NUP153: variants seen among roughly 807,000 people sequenced by gnomAD.
The protein encoded by NUP153 is nuclear pore complex protein Nup153.
Under a neutral mutation model 134.6 loss-of-function variants are expected in NUP153, and 27 were observed. The observed-to-expected ratio is 0.20, with a 90% CI of 0.15 to 0.28. The LOEUF (loss-of-function observed/expected upper bound fraction) is 0.28, where lower values mean the gene tolerates loss of function less well. NUP153 is among the 10% of genes least tolerant of loss of function. The pLI, the probability that NUP153 is intolerant of heterozygous loss-of-function variation, is 1.00. For synonymous variants in NUP153, 640 were observed against 623.5 expected (o/e 1.03, Z -0.40); for missense variants, 1,821 against 1,731.3 (o/e 1.05, Z -0.92).
chr6:17,642,747 C>T (rs998370159), intron 14 of NUP153, among the ~76,000 whole-genome samples: 1 of 152,168 alleles, frequency 6.6e-6, no homozygotes, highest in Admixed American at 6.5e-5. Flanking sequence ...ATGTTCACAG[C>T]AGCACTATTC....
intron 1 of NUP153, among the ~76,000 whole-genome samples, chr6:17,703,824 A>G (rs1359565435): frequency 6.6e-6 from 1 of 152,202 alleles, no homozygotes; most frequent in Non-Finnish European, 1.5e-5. Flanking sequence ...TTAATTAAAT[A>G]GGACAAGAAG....
At chr6:17,690,860 C>T (rs989521852) in intron 1 of NUP153, among the ~76,000 whole-genome samples, 1 of 152,132 alleles carries the variant, frequency 6.6e-6, no homozygotes, top group Non-Finnish European at 1.5e-5. Flanking sequence ...GAAAAGGTAG[C>T]CGGGCGTGGT....
At chr6:17,698,347 C>T (rs1769801267) in intron 1 of NUP153, among the ~76,000 whole-genome samples, 1 of 152,172 alleles carries the variant, frequency 6.6e-6, no homozygotes, top group African/African-American at 2.4e-5. Flanking sequence ...AATCTCAGTG[C>T]TTTGGAGGCC....
chr6:17,618,968 T>C (rs1345790475), intron 20 of NUP153, among the ~76,000 whole-genome samples: 1 of 152,128 alleles, frequency 6.6e-6, no homozygotes, highest in Non-Finnish European at 1.5e-5. Context: ...GACAAAATCT[T>C]CAAATAAATA....
chr6:17,691,913 A>C (rs1453853296), intron 1 of NUP153, among the ~76,000 whole-genome samples: 4 of 152,182 alleles, frequency 2.6e-5, no homozygotes, highest in African/African-American at 9.7e-5. Context: ...CTGGGCTCTC[A>C]TCTCAGCCTT....
intron 2 of NUP153, among the ~76,000 whole-genome samples, chr6:17,681,262 G>A (rs149294986): frequency 1.9e-4 from 29 of 151,756 alleles, no homozygotes; most frequent in East Asian, 3.9e-4. Context: ...ATAGAATGAC[G>A]AATACCAGTG....
intron 11 of NUP153, among the ~76,000 whole-genome samples, chr6:17,652,955 C>T (rs747834772): frequency 3.9e-5 from 6 of 152,036 alleles, no homozygotes; most frequent in Non-Finnish European, 2.9e-5. Context: ...CTTGAACCCA[C>T]GAGGCGGAGG....
intron 1 of NUP153, among the ~76,000 whole-genome samples, chr6:17,698,470 G>A (rs961870876): frequency 5.5e-4 from 84 of 152,220 alleles, no homozygotes; most frequent in African/African-American, 1.9e-3. Context: ...CGGGCGTGGT[G>A]GCTCACGCCT....
chr6:17,638,316 T>C lies in NUP153; in HGVS notation c.1847-546A>G, dbSNP rs1328154315. 6.6e-6 allele frequency among the ~76,000 whole-genome samples: 1 copy of C among 152,248 alleles called. No individual in the cohort carries two copies. Among genetic ancestry groups the C allele is most frequent in the Non-Finnish European group, 1.5e-5 (1 of 68,054 alleles). On this transcript the variant is annotated intron_variant, in intron 15 of 21. Coordinates refer to ENST00000262077, the MANE Select transcript of NUP153 (RefSeq NM_005124.4). This position sits in a 1 kb window ranked among gnomAD's most constrained non-coding sequence, Gnocchi z 4.0. ...TTCATTCACTCAAGCTGTATTTTAC[T>C]CATGAGAATGACTTTTGTAATTGTT...
intron 11 of NUP153, among the ~76,000 whole-genome samples, chr6:17,656,148 T>C (rs1032261323): frequency 1.4e-5 from 2 of 143,820 alleles, no homozygotes; most frequent in Non-Finnish European, 3.2e-5. Context: ...GAGGTTGCAG[T>C]GAGCCAAGAT....
At chr6:17,662,241 TA>T (rs1157499650) in intron 9 of NUP153, 171 bp from the exon 10 acceptor site, 2 of 160,248 alleles carry the variant, frequency 1.2e-5, no homozygotes, top group African/African-American at 4.8e-5. Context: ...AACCAAGAGT[TA>T]CAGTGAGATT....
At chr6:17,685,476 G>T (rs1000057117) in intron 2 of NUP153, among the ~76,000 whole-genome samples, 1 of 151,348 alleles carries the variant, frequency 6.6e-6, no homozygotes, top group Admixed American at 6.6e-5. Context: ...GTGAACCCAG[G>T]AGGCGGAGCT....
chr6:17,625,824 G>A lies in NUP153; in HGVS notation c.3885C>T (p.Thr1295=), dbSNP rs749192517. ...TAAATGTACCTGCAGAGCTAGATGTGGTTGTGGCTCCAAAGCCGAAACCAG... is the reference window on the plus strand; with the variant it reads ...TAAATGTACCTGCAGAGCTAGATGTAGTTGTGGCTCCAAAGCCGAAACCAG... The part of the protein sequence containing the change: ...TTSGFGFGAT[T]TSSSAGSSFV... Residue 1295 remains threonine, a synonymous_variant, in exon 19 of 22, where the codon ACC becomes ACT. Transcript: ENST00000262077. The surrounding 1 kb of genome is among the most constrained non-coding windows in gnomAD (Gnocchi z 4.7). 6.2e-7 allele frequency: 1 copy of A among 1,613,350 alleles called. No individual in the cohort carries two copies. The highest frequency in any genetic ancestry group is 2.2e-5 in the East Asian group (1 of 44,870).
chr6:17,654,112 A>G (rs1276957767), intron 11 of NUP153, among the ~76,000 whole-genome samples: 1 of 152,202 alleles, frequency 6.6e-6, no homozygotes, highest in Non-Finnish European at 1.5e-5. Flanking sequence ...AGTTCTTTCA[A>G]CATTTCATGT....
intron 2 of NUP153, among the ~76,000 whole-genome samples, chr6:17,678,681 C>A (rs753434627): frequency 3.3e-5 from 5 of 152,130 alleles, no homozygotes. Context: ...CAGTGGCTCA[C>A]GCCTGTAGTC....
intron 1 of NUP153, among the ~76,000 whole-genome samples, chr6:17,698,236 G>T (rs1334812695): frequency 6.6e-6 from 1 of 152,148 alleles, no homozygotes; most frequent in Non-Finnish European, 1.5e-5. Context: ...CTGCTGAATG[G>T]CATAGGCTTA....
chr6:17,688,363 T>C (rs749545677), intron 2 of NUP153, 33 bp downstream of exon 2: 6 of 1,533,736 alleles, frequency 3.9e-6, no homozygotes, highest in Middle Eastern at 1.7e-4. Flanking sequence ...TGAAAACCTA[T>C]CATTCATGAC....
chr6:17,659,006 T>C (rs142056238), intron 11 of NUP153, among the ~76,000 whole-genome samples: 2,459 of 152,214 alleles, frequency 0.016, 29 homozygotes, highest in Middle Eastern at 0.037. Flanking sequence ...CACCAAAAAC[T>C]GCAATGTCTG....
chr6:17,688,688 G>C, intron 1 of NUP153, 70 bp from the exon 2 acceptor site: 1 of 1,259,142 alleles, frequency 7.9e-7, no homozygotes, highest in Non-Finnish European at 1.1e-6. Flanking sequence ...CCTACTCACT[G>C]AAAGCCAGGC....
Sources: gnomAD v4.1 joint callset for allele counts (sites outside exome capture counted in the v4.1 genomes callset) on GRCh38, gnomAD v4.1.1 for gene constraint, Gnocchi (gnomAD v3.1) non-coding constraint, MANE v1.5 for transcripts, NCBI Gene and HGNC (gene_info 2026-07-23, HGNC 2026-07-21) for gene names.